GTF2H3: variants seen among roughly 807,000 people sequenced by gnomAD.
GTF2H3 encodes the protein general transcription factor IIH subunit 3.
GTF2H3 carries 42 observed loss-of-function variants against 51.1 expected under a neutral mutation model. The observed-to-expected ratio is 0.82, with a 90% CI of 0.64 to 1.06. The LOEUF is 1.06. Among genes scored for constraint, GTF2H3 ranks in the 50% least tolerant of loss-of-function variants. GTF2H3 has a pLI of 0.00. For missense variants in GTF2H3, 326 were observed against 366.1 expected (o/e 0.89, Z 0.89); for synonymous variants, 123 against 123.8 (o/e 0.99, Z 0.04).
chr12:123,645,338 G>A, intron 2 of GTF2H3, 117 bp from the exon 3 acceptor site: 1 of 635,792 alleles, frequency 1.6e-6, no homozygotes, highest in Non-Finnish European at 2.8e-6. Context: ...TCAGGGTGCT[G>A]GGATTACAGG....
At chr12:123,654,271 ATT>A (rs1955556555) in intron 7 of GTF2H3, among the ~76,000 whole-genome samples, 1 of 62,000 alleles carries the variant, frequency 1.6e-5, no homozygotes. Context: ...GGGGGGGTGT[ATT>A]TTGGGGGGTA....
intron 8 of GTF2H3, chr12:123,655,496 T>C (rs1955575283): frequency 2.5e-6 from 1 of 399,100 alleles, no homozygotes; most frequent in Non-Finnish European, 4.5e-6. Context: ...CATAATGTTC[T>C]CTGTTGTGGA....
chr12:123,653,590 AGT>A (rs1319999252), intron 7 of GTF2H3, among the ~76,000 whole-genome samples: 1 of 151,814 alleles, frequency 6.6e-6, no homozygotes. Flanking sequence ...CAGAGGTTGC[AGT>A]GAGCCGAGAT....
At chr12:123,655,240 G>C (rs1483890424) in intron 8 of GTF2H3, among the ~76,000 whole-genome samples, 1 of 152,122 alleles carries the variant, frequency 6.6e-6, no homozygotes, top group African/African-American at 2.4e-5. Flanking sequence ...ATGGTATTCA[G>C]GTAACCTTTA....
At chr12:123,654,624 G>A (rs1022892278) in intron 7 of GTF2H3, among the ~76,000 whole-genome samples, 4 of 151,674 alleles carry the variant, frequency 2.6e-5, no homozygotes, top group Non-Finnish European at 4.4e-5. Flanking sequence ...GGGCGTGTGT[G>A]TATTTTGGGT....
intron 2 of GTF2H3, among the ~76,000 whole-genome samples, chr12:123,643,549 G>T (rs933613492): frequency 6.6e-6 from 1 of 152,118 alleles, no homozygotes; most frequent in Admixed American, 6.6e-5. Flanking sequence ...AAAAAACAAC[G>T]TAATCTCAAT....
At position 123,633,835 on chromosome 12, in the gene GTF2H3, T is replaced by G; in HGVS notation, c.-25T>G. ...AGACGCTCCCCTGACCACCACTTGCTCTGCGCTGAGGTGCTGGGACAGCCA... is the reference window on the plus strand; with the variant it reads ...AGACGCTCCCCTGACCACCACTTGCGCTGCGCTGAGGTGCTGGGACAGCCA... On this transcript the variant is annotated 5_prime_UTR_variant, in exon 1 of 13. Coordinates refer to ENST00000543341, the MANE Select transcript of GTF2H3 (RefSeq NM_001516.5). 1 of 1,612,534 alleles carries G rather than the reference T, an allele frequency of 6.2e-7. No individual in the cohort carries two copies. Among genetic ancestry groups the G allele is most frequent in the Non-Finnish European group, 8.5e-7 (1 of 1,179,970 alleles).
At chr12:123,654,475 T>C (rs1239833016) in intron 7 of GTF2H3, among the ~76,000 whole-genome samples, 1 of 151,582 alleles carries the variant, frequency 6.6e-6, no homozygotes, top group Non-Finnish European at 1.5e-5. Flanking sequence ...GTTTTGGGTG[T>C]ATGTGTATTT....
chr12:123,656,296 T>G (rs1955585921), intron 9 of GTF2H3, among the ~76,000 whole-genome samples: 1 of 152,212 alleles, frequency 6.6e-6, no homozygotes. Flanking sequence ...AGCTTGATCG[T>G]AGGTATATGA....
intron 7 of GTF2H3, 108 bp from the exon 8 acceptor site, chr12:123,654,816 G>A (rs1955566210): frequency 1.3e-6 from 1 of 765,720 alleles, no homozygotes; most frequent in Non-Finnish European, 2.3e-6. Context: ...TGATAAATGG[G>A]AAGACAAACT....
At position 123,640,358 on chromosome 12, in the gene GTF2H3, C is replaced by T. The variant is rs190249886; in HGVS notation, c.93+1015C>T. On this transcript the variant is annotated intron_variant, in intron 2 of 12. Transcript: ENST00000543341. The stretch of plus-strand genomic sequence containing the variant: ...TGGCCTTTTTTTTTTTTTTTTGAGA[C>T]GGAGTTTTGCTCTTGTTGCCCAGGC... Among the ~76,000 whole-genome samples the T allele has an allele frequency of 1.1e-3, 138 of 120,340 alleles. 1 individual carries two copies. Among genetic ancestry groups the T allele is most frequent in the Admixed American group, 0.011 (112 of 10,594 alleles). 78.9% of individuals were successfully genotyped at this position (120,340 alleles called of 152,430 possible).
Position 123,659,951 on chromosome 12 carries a change from T to C in GTF2H3, c.820+21T>C, listed in dbSNP as rs778421713. 3.7e-6 allele frequency: 6 copies of C among 1,608,052 alleles called. No individual in the cohort carries two copies. In the East Asian group the frequency reaches 1.3e-4, roughly 36 times the overall value. On this transcript the variant is annotated intron_variant, in intron 11 of 12. Transcript: ENST00000543341. Reference sequence around the variant, plus strand: ...GTCAAGTAAGTTAATGTACCTAGTTTTTCTTTTTTTTCTATGTTGGGGGGC... The same window carrying C: ...GTCAAGTAAGTTAATGTACCTAGTTCTTCTTTTTTTTCTATGTTGGGGGGC...
At chr12:123,638,940 C>T (rs1344485840) in intron 1 of GTF2H3, among the ~76,000 whole-genome samples, 4 of 151,908 alleles carry the variant, frequency 2.6e-5, no homozygotes, top group Non-Finnish European at 5.9e-5. Context: ...GGACTACAGG[C>T]GCCCACCACC....
intron 2 of GTF2H3, among the ~76,000 whole-genome samples, chr12:123,640,359 G>A (rs111400542): frequency 2.0e-3 from 278 of 137,058 alleles, no homozygotes; most frequent in Admixed American, 3.3e-3. Context: ...TTTTTGAGAC[G>A]GAGTTTTGCT....
At chr12:123,657,782 G>T (rs532694906) in intron 9 of GTF2H3, among the ~76,000 whole-genome samples, 1 of 152,180 alleles carries the variant, frequency 6.6e-6, no homozygotes, top group Non-Finnish European at 1.5e-5. Context: ...TGAATCTAAC[G>T]GACCAACTGA....
At chr12:123,654,141 G>A (rs937521185) in intron 7 of GTF2H3, among the ~76,000 whole-genome samples, 2 of 151,732 alleles carry the variant, frequency 1.3e-5, no homozygotes, top group African/African-American at 2.4e-5. Context: ...GTGTATGTGT[G>A]TATATTTTGG....
intron 2 of GTF2H3, among the ~76,000 whole-genome samples, chr12:123,642,972 T>C (rs1215710082): frequency 3.3e-5 from 5 of 152,096 alleles, no homozygotes; most frequent in African/African-American, 1.2e-4. Flanking sequence ...CCTCCCGGGT[T>C]CAAGCAATTC....
intron 2 of GTF2H3, among the ~76,000 whole-genome samples, chr12:123,643,817 T>G (rs1326213878): frequency 6.6e-6 from 1 of 152,094 alleles, no homozygotes; most frequent in Non-Finnish European, 1.5e-5. Flanking sequence ...TTTTTTCCAG[T>G]AGGGTGAAAT....
intron 5 of GTF2H3, 68 bp downstream of exon 5, chr12:123,651,124 TC>T (rs2135792166): frequency 2.5e-6 from 3 of 1,177,050 alleles, no homozygotes; most frequent in Non-Finnish European, 3.8e-6. Context: ...TTGTGACATT[TC>T]TTAGGACCTT....
Sources: gnomAD v4.1 joint callset for allele counts (sites outside exome capture counted in the v4.1 genomes callset) on GRCh38, gnomAD v4.1.1 for gene constraint, MANE v1.5 for transcripts, NCBI Gene and HGNC (gene_info 2026-07-23, HGNC 2026-07-21) for gene names.